The following CTNND2 variants were observed in gnomAD, a reference collection of about 807,000 sequenced individuals.
CTNND2 encodes the protein catenin delta 2.
In CTNND2, 22 loss-of-function variants were observed where a neutral mutation model predicts 144.4. That is an observed-to-expected ratio of 0.15 (90% confidence interval 0.11 to 0.22). The LOEUF is 0.22. CTNND2 is among the 10% of genes least tolerant of loss of function. The pLI is 1.00. For synonymous variants in CTNND2, 751 were observed against 695.6 expected (o/e 1.08, Z -1.25); for missense variants, 1,353 against 1,618.8 (o/e 0.84, Z 2.82).
chr5:11,137,753 A>G (rs1756305929), intron 12 of CTNND2, among the ~76,000 whole-genome samples: 1 of 152,256 alleles, frequency 6.6e-6, no homozygotes, highest in Non-Finnish European at 1.5e-5. Context: ...TGTTTTCTTC[A>G]GAATATTCCT....
chr5:11,200,627 T>A (rs1737323768), intron 10 of CTNND2, among the ~76,000 whole-genome samples: 2 of 152,178 alleles, frequency 1.3e-5, no homozygotes, highest in African/African-American at 4.8e-5. Flanking sequence ...ACAGATGTGC[T>A]GGGACACCTG....
intron 2 of CTNND2, among the ~76,000 whole-genome samples, chr5:11,590,229 T>G (rs954414905): frequency 6.6e-6 from 1 of 151,982 alleles, no homozygotes; most frequent in Non-Finnish European, 1.5e-5. Context: ...GTATTTTTAG[T>G]AGAGACGGGG....
rs552496879 is a variant in CTNND2 at position 11,902,246 on chromosome 5, G to A, written c.37+1571C>T. On this transcript the variant is annotated intron_variant, in intron 1 of 21. Transcript: ENST00000304623. ...CCCAACAACAGTAGGAACATTCTCC[G>A]TATGGCAACCATATGCTAATAAAAG... Among the ~76,000 whole-genome samples the A allele has an allele frequency of 3.8e-4, 58 of 152,264 alleles. 2 individuals are homozygous for A. The highest frequency in any genetic ancestry group is 2.5e-3 in the South Asian group (12 of 4,828).
At chr5:11,774,484 G>A (rs1790127769) in intron 1 of CTNND2, among the ~76,000 whole-genome samples, 2 of 146,312 alleles carry the variant, frequency 1.4e-5, no homozygotes, top group African/African-American at 4.9e-5. Flanking sequence ...GCACCAGCAT[G>A]GCACATGTAT....
At chr5:11,752,083 C>T (rs533140936) in intron 1 of CTNND2, among the ~76,000 whole-genome samples, 3 of 151,748 alleles carry the variant, frequency 2.0e-5, no homozygotes, top group Non-Finnish European at 2.9e-5. Context: ...ACTTTAAGTT[C>T]CTTACAGATT....
chr5:11,571,246 C>A (rs907637778), intron 2 of CTNND2, among the ~76,000 whole-genome samples: 1 of 152,126 alleles, frequency 6.6e-6, no homozygotes, highest in Non-Finnish European at 1.5e-5. Context: ...TGGCAGTCTG[C>A]TCATATGTGA....
chr5:11,392,668 C>T (rs1451086832), intron 6 of CTNND2, among the ~76,000 whole-genome samples: 1 of 152,208 alleles, frequency 6.6e-6, no homozygotes, highest in Non-Finnish European at 1.5e-5. Context: ...AATAGGGATT[C>T]ACAACAGAGA....
chr5:11,866,507 T>C (rs561882325), intron 1 of CTNND2, among the ~76,000 whole-genome samples: 3 of 152,238 alleles, frequency 2.0e-5, no homozygotes, highest in East Asian at 1.9e-4. Flanking sequence ...AGGTTAACCA[T>C]CTACAAAAAT....
chr5:11,650,805 G>T (rs1345815374), intron 2 of CTNND2, among the ~76,000 whole-genome samples: 3 of 152,166 alleles, frequency 2.0e-5, no homozygotes, highest in Admixed American at 6.5e-5. Flanking sequence ...TTCCTAAGCA[G>T]CAAAGTGTCC....
chr5:11,169,687 T>C (rs1759705935), intron 11 of CTNND2, among the ~76,000 whole-genome samples: 1 of 152,194 alleles, frequency 6.6e-6, no homozygotes, highest in Non-Finnish European at 1.5e-5. Context: ...TTTTTTATAA[T>C]ATAGGTAGCA....
Position 11,842,633 on chromosome 5 carries a change from C to T in CTNND2, c.37+61184G>A, listed in dbSNP as rs575345758. Among the ~76,000 whole-genome samples the T allele has an allele frequency of 1.5e-3, 227 of 151,410 alleles. 1 individual carries two copies. The highest frequency in any genetic ancestry group is 1.8e-3 in the Admixed American group (27 of 15,244). ...ACTCAGGAGGCTGAGGCAGGAGAACCGCGTGAACCTGGGAGGCAGAGCTTG... is the reference window on the plus strand; with the variant it reads ...ACTCAGGAGGCTGAGGCAGGAGAACTGCGTGAACCTGGGAGGCAGAGCTTG... On this transcript the variant is annotated intron_variant, in intron 1 of 21. Coordinates refer to ENST00000304623, the MANE Select transcript of CTNND2 (RefSeq NM_001332.4).
At chr5:11,578,733 A>G (rs1385825713) in intron 2 of CTNND2, among the ~76,000 whole-genome samples, 1 of 152,196 alleles carries the variant, frequency 6.6e-6, no homozygotes, top group Non-Finnish European at 1.5e-5. Context: ...TCACACAGGT[A>G]AAGTGAACTG....
rs36223515 is a variant in CTNND2, at chr5:11,719,833, TACACACACACACAC to T, written c.174+12289_174+12302del. Among the ~76,000 whole-genome samples the T allele has an allele frequency of 9.2e-3, 1,307 of 142,108 alleles. 8 individuals are homozygous for T. The highest frequency in any genetic ancestry group is 0.011 in the Non-Finnish European group (698 of 64,432). The allele number at this position is 142,108 out of a possible 152,430, so 93.2% of individuals were successfully genotyped here. On this transcript the variant is annotated intron_variant, in intron 2 of 21. Transcript: ENST00000304623. ...TGAATTTGTGGGTAGCTCTGACATATACACACACACACACACACACACACACACACACACACACA... is the reference window on the plus strand; with the variant it reads ...TGAATTTGTGGGTAGCTCTGACATATACACACACACACACACACACACACA...
chr5:11,409,230 C>T (rs900208299), intron 5 of CTNND2, among the ~76,000 whole-genome samples: 8 of 151,910 alleles, frequency 5.3e-5, no homozygotes, highest in Middle Eastern at 3.4e-3. Flanking sequence ...GTACATTTTG[C>T]TTACAATTTT....
At chr5:11,808,325 G>A (rs896987417) in intron 1 of CTNND2, among the ~76,000 whole-genome samples, 2 of 152,152 alleles carry the variant, frequency 1.3e-5, no homozygotes, top group African/African-American at 4.8e-5. Flanking sequence ...CAAGAGCACA[G>A]ACAGAAACTG....
intron 2 of CTNND2, among the ~76,000 whole-genome samples, chr5:11,702,662 G>T (rs1296537478): frequency 6.6e-6 from 1 of 152,166 alleles, no homozygotes; most frequent in Admixed American, 6.5e-5. Context: ...TCCTAGGGTG[G>T]AAATCTCAGG....
intron 1 of CTNND2, among the ~76,000 whole-genome samples, chr5:11,869,646 GATA>G (rs1795932718): frequency 2.0e-5 from 3 of 152,326 alleles, no homozygotes; most frequent in Admixed American, 2.0e-4. Context: ...TTCTGGAAAT[GATA>G]ATGACGGTTG....
intron 9 of CTNND2, among the ~76,000 whole-genome samples, chr5:11,323,278 A>T (rs993753399): frequency 8.7e-5 from 13 of 149,806 alleles, no homozygotes; most frequent in Middle Eastern, 3.4e-3. Context: ...TTGAACTCCC[A>T]GCCTCAAATA....
chr5:11,891,824 T>C (rs978375433), intron 1 of CTNND2, among the ~76,000 whole-genome samples: 2 of 152,246 alleles, frequency 1.3e-5, no homozygotes, highest in African/African-American at 4.8e-5. Context: ...GGTGGAATCC[T>C]TCCAAAGCCA....
Sources: gnomAD v4.1 joint callset for allele counts (sites outside exome capture counted in the v4.1 genomes callset) on GRCh38, gnomAD v4.1.1 for gene constraint, MANE v1.5 for transcripts, NCBI Gene and HGNC (gene_info 2026-07-23, HGNC 2026-07-21) for gene names.